UMODL1: variants seen among roughly 807,000 people sequenced by gnomAD.
UMODL1 encodes uromodulin like 1.
A neutral mutation model predicts 136.3 loss-of-function variants in UMODL1; 128 were observed. The observed-to-expected ratio is 0.94, with a 90% CI of 0.81 to 1.09. The LOEUF (loss-of-function observed/expected upper bound fraction) is 1.09. Among genes scored for constraint, UMODL1 ranks in the 50% least tolerant of loss-of-function variants. UMODL1 has a pLI of 0.00. For synonymous variants in UMODL1, 721 were observed against 720.0 expected (o/e 1.00, Z -0.02); for missense variants, 1,766 against 1,725.6 (o/e 1.02, Z -0.41).
chr21:42,139,454 C>T (rs978753613), intron 22 of UMODL1, among the ~76,000 whole-genome samples: 11 of 152,048 alleles, frequency 7.2e-5, no homozygotes, highest in African/African-American at 1.9e-4. Context: ...ATGAAGGATC[C>T]GCCCCATGAT....
intron 22 of UMODL1, among the ~76,000 whole-genome samples, chr21:42,140,424 G>A (rs1157879823): frequency 1.3e-5 from 2 of 151,526 alleles, no homozygotes; most frequent in Non-Finnish European, 2.9e-5. Flanking sequence ...GTCCAGGGCA[G>A]GAAGGGATAG....
chr21:42,098,585 GGTGAAACCC>G, intron 6 of UMODL1, among the ~76,000 whole-genome samples: 1 of 151,644 alleles, frequency 6.6e-6, no homozygotes. Flanking sequence ...TGGCCAACAT[GGTGAAACCC>G]CGTCTCTACT....
intron 9 of UMODL1, chr21:42,108,214 G>T (rs2066750935): frequency 2.2e-6 from 1 of 458,174 alleles, no homozygotes; most frequent in Middle Eastern, 4.1e-4. Context: ...CGTCTTGCCT[G>T]GTGCCTCTGC....
chr21:42,126,298 G>T, intron 17 of UMODL1, 47 bp from the exon 18 acceptor site: 1 of 1,609,612 alleles, frequency 6.2e-7, no homozygotes, highest in South Asian at 1.1e-5. Context: ...AGGGCGTGGG[G>T]GGCCGGCTGG....
At position 42,137,544 on chromosome 21, in the gene UMODL1, G is replaced by A. The variant is rs773484704; in HGVS notation, c.3881G>A (p.Arg1294His). 149 of 1,614,098 alleles carry A rather than the reference G, an allele frequency of 9.2e-5. No individual in the cohort carries two copies. The highest frequency in any genetic ancestry group is 4.9e-4 in the Middle Eastern group (3 of 6,082). The change falls in exon 22 of 23, where the codon CGC (arginine) becomes CAC (histidine). Residue 1294 changes from arginine (R) to histidine (H), a missense_variant. Arg to His is a conservative substitution (Grantham distance 29, BLOSUM62 0). Transcript: ENST00000408910. The stretch of plus-strand genomic sequence containing the variant: ...GGAACAGCCACCCTTCTGATCGTGC[G>A]CTACCAGAGAATGAATGGGAGATAC... ...VAGTATLLIVRYQRMNGRYNF... is the reference protein window; with the variant it reads ...VAGTATLLIVHYQRMNGRYNF...
intron 20 of UMODL1, among the ~76,000 whole-genome samples, chr21:42,128,544 GTGGA>G (rs2067092983): frequency 6.6e-6 from 1 of 152,172 alleles, no homozygotes; most frequent in East Asian, 1.9e-4. Flanking sequence ...TCTGCAGGAC[GTGGA>G]TAGAGAAGCA....
chr21:42,070,086 G>T (rs1402637756), upstream of UMODL1, among the ~76,000 whole-genome samples: 2 of 152,176 alleles, frequency 1.3e-5, no homozygotes. Context: ...AGCAAATGCA[G>T]CAGTTCATCA....
chr21:42,094,879 A>G (rs2066535357), intron 6 of UMODL1, among the ~76,000 whole-genome samples: 1 of 151,954 alleles, frequency 6.6e-6, no homozygotes, highest in Admixed American at 6.6e-5. Context: ...AAGGCCCATG[A>G]ACTGGGTGGC....
At chr21:42,098,062 A>G (rs1316328596) in intron 6 of UMODL1, among the ~76,000 whole-genome samples, 2 of 152,268 alleles carry the variant, frequency 1.3e-5, no homozygotes, top group East Asian at 3.8e-4. Flanking sequence ...AGAGCAGCCC[A>G]GGGCCTCAGG....
intron 7 of UMODL1, chr21:42,101,892 C>G (rs2066639089): frequency 2.5e-6 from 1 of 396,344 alleles, no homozygotes. Context: ...AAAGGACCCT[C>G]CATGCTCTGG....
Position 42,085,514 on chromosome 21 carries a change from G to A in UMODL1, c.603+102G>A, listed in dbSNP as rs2066416369. ...AAGGGACCTGGGGGTTGGGGAGGGT[G>A]ATGTTCCCCAAATGGCCCCAAATGA... On this transcript the variant is annotated intron_variant, in intron 4 of 22. Transcript: ENST00000408910. This position sits in a 1 kb window ranked among gnomAD's most constrained non-coding sequence, Gnocchi z 4.5. 3 of 1,558,296 alleles carry A rather than the reference G, an allele frequency of 1.9e-6. No homozygotes were observed. The highest frequency in any genetic ancestry group is 1.1e-5 in the South Asian group (1 of 87,450).
At chr21:42,104,150 T>C (rs1229220734) in intron 9 of UMODL1, 63 bp downstream of exon 9, 19 of 1,479,390 alleles carry the variant, frequency 1.3e-5, no homozygotes, top group Non-Finnish European at 1.7e-5. Context: ...TCTTGGTGAC[T>C]TTATTTGAGT....
chr21:42,075,246 G>GC (rs1569139076), intron 1 of UMODL1, among the ~76,000 whole-genome samples: 1 of 151,816 alleles, frequency 6.6e-6, no homozygotes, highest in Admixed American at 6.6e-5. Context: ...GGAGATGGGG[G>GC]GGGGGTTTCA....
At chr21:42,072,133 C>T (rs2066239359) in intron 1 of UMODL1, among the ~76,000 whole-genome samples, 1 of 152,162 alleles carries the variant, frequency 6.6e-6, no homozygotes, top group South Asian at 2.1e-4. Context: ...TTGCCCAGGC[C>T]ACACAGCTCA....
At chr21:42,115,351 C>G (rs1453394453) in intron 13 of UMODL1, among the ~76,000 whole-genome samples, 2 of 152,210 alleles carry the variant, frequency 1.3e-5, no homozygotes, top group African/African-American at 4.8e-5. Context: ...TGCCCATAGA[C>G]CAGGGGAGGT....
At chr21:42,088,719 A>G (rs2066456854) in intron 5 of UMODL1, among the ~76,000 whole-genome samples, 1 of 147,300 alleles carries the variant, frequency 6.8e-6, no homozygotes, top group Admixed American at 6.8e-5. Flanking sequence ...TTTGCCCCCC[A>G]TTTCCCGCCC....
chr21:42,075,914 C>T (rs903696563), intron 1 of UMODL1, 91 bp from the exon 2 acceptor site: 7 of 1,559,388 alleles, frequency 4.5e-6, no homozygotes, highest in African/African-American at 1.4e-5. Context: ...TGTGCTCTCA[C>T]TTGCTATTGC....
Position 42,111,229 on chromosome 21 carries a change from C to T in UMODL1, c.1899+108C>T, listed in dbSNP as rs772535025. The T allele has an allele frequency of 3.9e-6, 6 of 1,524,982 alleles. No individual in the cohort carries two copies. In the African/African-American group the frequency reaches 8.5e-5, roughly 22 times the overall value. The allele number at this position is 1,524,982 out of a possible 1,614,324, so 94.5% of individuals were successfully genotyped here. A position where few individuals can be genotyped will look rare whatever the true frequency, so the allele number is the denominator to read the frequency against. ...GGAGCCTCAGACAGGAGAGTACCAGCCAGGCGAGCCCCAGCCAGAGGAGCA... is the reference window on the plus strand; with the variant it reads ...GGAGCCTCAGACAGGAGAGTACCAGTCAGGCGAGCCCCAGCCAGAGGAGCA... On this transcript the variant is annotated intron_variant, in intron 11 of 22. Coordinates refer to ENST00000408910, the MANE Select transcript of UMODL1 (RefSeq NM_001004416.3).
intron 17 of UMODL1, among the ~76,000 whole-genome samples, chr21:42,125,075 G>A (rs1455527378): frequency 5.3e-5 from 8 of 152,156 alleles, no homozygotes; most frequent in African/African-American, 1.7e-4. Context: ...CCTTAGTGGG[G>A]ACAGGGCGGC....
Sources: allele counts gnomAD v4.1 joint callset (sites outside exome capture counted in the v4.1 genomes callset), GRCh38; gene constraint gnomAD v4.1.1; non-coding constraint Gnocchi (gnomAD v3.1); transcripts MANE v1.5; gene names NCBI Gene and HGNC (gene_info 2026-07-23, HGNC 2026-07-21).